Variants in DPP6 observed in about 807,000 individuals in gnomAD.
DPP6 encodes the protein dipeptidyl peptidase like 6.
A neutral mutation model predicts 122.6 loss-of-function variants in DPP6; 69 were observed. The ratio of observed to expected loss-of-function variants is 0.56; its 90% confidence interval spans 0.46 to 0.69. The LOEUF (loss-of-function observed/expected upper bound fraction) is 0.69. DPP6 is among the 30% of genes least tolerant of loss of function. The probability of loss-of-function intolerance (pLI) is 0.00; values close to 1 mark genes in which losing one functional copy is unlikely to be tolerated. For missense variants in DPP6, 928 were observed against 1,116.9 expected, an observed-to-expected ratio of 0.83 and a Z score of 2.41; for synonymous variants, 418 against 433.1, an observed-to-expected ratio of 0.97 and a Z score of 0.43.
chr7:154,168,450 G>A (rs1797367560), intron 1 of DPP6, among the ~76,000 whole-genome samples: 1 of 152,314 alleles, frequency 6.6e-6, no homozygotes, highest in African/African-American at 2.4e-5. Context: ...TTGTAGTTCT[G>A]AGCCACAGCT....
chr7:154,429,616 G>C (rs554185592), intron 1 of DPP6, among the ~76,000 whole-genome samples: 1 of 152,204 alleles, frequency 6.6e-6, no homozygotes, highest in Non-Finnish European at 1.5e-5. Flanking sequence ...CAACACAAAC[G>C]CTGTTTATTT....
intron 20 of DPP6, among the ~76,000 whole-genome samples, chr7:154,880,568 T>C (rs1400969750): frequency 1.3e-5 from 2 of 152,144 alleles, no homozygotes; most frequent in African/African-American, 4.8e-5. Flanking sequence ...TAGCAGCAGA[T>C]GGACCCCATG....
Position 154,439,107 on chromosome 7 carries a change from C to T in DPP6, c.244-7107C>T, listed in dbSNP as rs1461162541. On this transcript the variant is annotated intron_variant, in intron 1 of 25. Coordinates refer to ENST00000377770, the MANE Select transcript of DPP6 (RefSeq NM_130797.4). ...CCATTCAATTGCTGGTGGTTCTTGC[C>T]TTTGAGGCTAGTTTGTTAGTTACTT... 3.3e-5 allele frequency among the ~76,000 whole-genome samples: 5 copies of T among 152,156 alleles called. No individual in the cohort carries two copies. The South Asian group carries it at 8.3e-4, about 25-fold the overall frequency.
intron 1 of DPP6, among the ~76,000 whole-genome samples, chr7:154,372,391 G>A (rs985144640): frequency 6.6e-6 from 1 of 152,220 alleles, no homozygotes; most frequent in South Asian, 2.1e-4. Flanking sequence ...AGCACTCACC[G>A]CTCCCTCCCC....
chr7:153,832,787 TA>T, the DPP6 span, among the ~76,000 whole-genome samples: 5 of 149,296 alleles, frequency 3.3e-5, no homozygotes, highest in African/African-American at 1.2e-4. Context: ...ATTCCAAAGA[TA>T]ATATGTACTT....
At chr7:154,778,979 C>T (rs1796791979) in intron 10 of DPP6, among the ~76,000 whole-genome samples, 1 of 147,390 alleles carries the variant, frequency 6.8e-6, no homozygotes, top group Non-Finnish European at 1.5e-5. Flanking sequence ...CTACCACCAT[C>T]ACCTCCATCA....
At chr7:153,887,224 G>A (rs1563206807) in exon 1 of DPP6, 1 of 153,164 alleles carries the variant, frequency 6.5e-6, no homozygotes, top group Non-Finnish European at 1.5e-5. Context: ...GCCTGCTGGA[G>A]GAGCCCCCGG....
intron 1 of DPP6, among the ~76,000 whole-genome samples, chr7:154,113,363 C>A (rs1433817121): frequency 1.3e-5 from 2 of 151,252 alleles, no homozygotes. Flanking sequence ...ATTCTGATTT[C>A]TACACATCCT....
chr7:154,007,452 C>G (rs1797960103), intron 1 of DPP6, among the ~76,000 whole-genome samples: 1 of 152,048 alleles, frequency 6.6e-6, no homozygotes, highest in South Asian at 2.1e-4. Flanking sequence ...ACTCAGGTAC[C>G]TACATTTTAA....
At chr7:154,379,589 CT>C (rs1586106887) in intron 1 of DPP6, among the ~76,000 whole-genome samples, 1 of 152,104 alleles carries the variant, frequency 6.6e-6, no homozygotes, top group Admixed American at 6.5e-5. Context: ...CAGAAGAATG[CT>C]CCCTAATAAA....
chr7:154,655,183 C>A (rs758567279), intron 6 of DPP6, among the ~76,000 whole-genome samples: 1 of 152,092 alleles, frequency 6.6e-6, no homozygotes, highest in Non-Finnish European at 1.5e-5. Context: ...ACGTTAGGAT[C>A]CAGGAAAGCA....
chr7:154,647,296 C>A (rs1836546530), intron 6 of DPP6, among the ~76,000 whole-genome samples: 1 of 152,176 alleles, frequency 6.6e-6, no homozygotes, highest in African/African-American at 2.4e-5. Flanking sequence ...TTACTTGCTG[C>A]CCTTGACAAG....
chr7:154,393,568 T>G (rs922287480), intron 1 of DPP6, among the ~76,000 whole-genome samples: 1 of 151,572 alleles, frequency 6.6e-6, no homozygotes, highest in Admixed American at 6.6e-5. Context: ...TTTTTTTTTT[T>G]TGTCCTCTCA....
chr7:153,800,123 C>T, the DPP6 span, among the ~76,000 whole-genome samples: 1 of 152,134 alleles, frequency 6.6e-6, no homozygotes, highest in Non-Finnish European at 1.5e-5. Context: ...TCTGCACACC[C>T]ATTTTATTAC....
intron 1 of DPP6, among the ~76,000 whole-genome samples, chr7:153,972,556 G>A (rs39157): frequency 0.93 from 128,158 of 138,468 alleles, 59,482 homozygotes; most frequent in East Asian, 1. Flanking sequence ...AGTACTTCCA[G>A]TATCTTCAGA....
At position 154,330,662 on chromosome 7, in the gene DPP6, C is replaced by T. The variant is rs192731502; in HGVS notation, c.244-115552C>T. 3.8e-4 allele frequency among the ~76,000 whole-genome samples: 58 copies of T among 152,312 alleles called. No individual in the cohort carries two copies. The East Asian group carries it at 8.5e-3, about 22-fold the overall frequency. ...ATTCTCAGCAGTGTAAAGAGCAGAGCGCCAGAGGCAACCGTGTACTTCTGG... is the reference window on the plus strand; with the variant it reads ...ATTCTCAGCAGTGTAAAGAGCAGAGTGCCAGAGGCAACCGTGTACTTCTGG... On this transcript the variant is annotated intron_variant, in intron 1 of 25. Coordinates refer to ENST00000377770, the MANE Select transcript of DPP6 (RefSeq NM_130797.4).
the DPP6 span, among the ~76,000 whole-genome samples, chr7:153,814,690 A>G: frequency 6.6e-6 from 1 of 152,202 alleles, no homozygotes; most frequent in Non-Finnish European, 1.5e-5. Flanking sequence ...CTTGATGAAC[A>G]TTGATGCAAA....
At chr7:154,579,368 A>G (rs1831893870) in intron 5 of DPP6, among the ~76,000 whole-genome samples, 1 of 152,212 alleles carries the variant, frequency 6.6e-6, no homozygotes, top group South Asian at 2.1e-4. Flanking sequence ...AAAGAAAAGA[A>G]AAAGAAAAAT....
chr7:154,575,403 G>T (rs1831542723), intron 5 of DPP6, among the ~76,000 whole-genome samples: 2 of 121,286 alleles, frequency 1.6e-5, no homozygotes, highest in Admixed American at 1.7e-4. Flanking sequence ...TAGTGTGTGT[G>T]TGGTGTTTGT....
Sources: gnomAD v4.1 joint callset for allele counts (sites outside exome capture counted in the v4.1 genomes callset) on GRCh38, gnomAD v4.1.1 for gene constraint, MANE v1.5 for transcripts, NCBI Gene and HGNC (gene_info 2026-07-23, HGNC 2026-07-21) for gene names.